Variants in NF1 observed in about 807,000 individuals in gnomAD.
NF1 encodes neurofibromin 1, also known as neurofibromin.
Under a neutral mutation model 325.7 loss-of-function variants are expected in NF1, and 122 were observed. The ratio of observed to expected loss-of-function variants is 0.37; its 90% CI spans 0.32 to 0.44. The LOEUF (loss-of-function observed/expected upper bound fraction) is 0.44, where lower values mean the gene tolerates loss of function less well. NF1 is among the 20% of genes least tolerant of loss of function. NF1 has a pLI of 1.00. For synonymous variants in NF1, 1,091 were observed against 1,186.0 expected, an observed-to-expected ratio of 0.92 and a Z score of 1.65; for missense variants, 2,140 against 3,415.4, an observed-to-expected ratio of 0.63 and a Z score of 9.31.
chr17:31,230,200 A>G (rs2151431318), intron 22 of NF1, 60 bp from the exon 23 acceptor site: 2 of 1,573,284 alleles, frequency 1.3e-6, no homozygotes, highest in Non-Finnish European at 1.7e-6. Flanking sequence ...TAAAGTATTT[A>G]GAATGCCTTC....
At chr17:31,291,395 A>G (rs2151494600) in intron 36 of NF1, among the ~76,000 whole-genome samples, 1 of 152,234 alleles carries the variant, frequency 6.6e-6, no homozygotes, top group Admixed American at 6.5e-5. Context: ...TTGACATTGT[A>G]TATTTTTCCC....
At chr17:31,208,191 AT>A (rs1300882481) in intron 12 of NF1, among the ~76,000 whole-genome samples, 5 of 152,164 alleles carry the variant, frequency 3.3e-5, no homozygotes, top group African/African-American at 9.7e-5. Context: ...TTTAGTTTTT[AT>A]TTCTAATTAT....
intron 13 of NF1, 151 bp downstream of exon 13, chr17:31,214,736 A>G: frequency 1.5e-6 from 1 of 646,730 alleles, no homozygotes; most frequent in Non-Finnish European, 2.7e-6. Flanking sequence ...CTCTAAGAAA[A>G]CTAATGTATA....
chr17:31,292,388 TA>T (rs2151495433), intron 36 of NF1, among the ~76,000 whole-genome samples: 1 of 152,326 alleles, frequency 6.6e-6, no homozygotes, highest in Admixed American at 6.5e-5. Context: ...AATAAGAATA[TA>T]ATTTCTTTGG....
intron 36 of NF1, among the ~76,000 whole-genome samples, chr17:31,287,019 C>T (rs2068240968): frequency 6.6e-6 from 1 of 152,156 alleles, no homozygotes; most frequent in South Asian, 2.1e-4. Flanking sequence ...GTGAGTATTT[C>T]ATTAGATTTA....
intron 35 of NF1, among the ~76,000 whole-genome samples, chr17:31,263,107 G>GA (rs2067719524): frequency 3.3e-5 from 2 of 60,018 alleles, no homozygotes; most frequent in Non-Finnish European, 4.9e-5. Context: ...AGGTAGGTAG[G>GA]TAGATAGATA....
chr17:31,160,420 G>A (rs1198785136), intron 3 of NF1, among the ~76,000 whole-genome samples: 5 of 152,090 alleles, frequency 3.3e-5, no homozygotes, highest in African/African-American at 7.2e-5. Flanking sequence ...CTTATTGACC[G>A]TTGACCATAT....
At chr17:31,270,543 A>C (rs568432862) in intron 36 of NF1, among the ~76,000 whole-genome samples, 44 of 150,582 alleles carry the variant, frequency 2.9e-4, no homozygotes, top group Admixed American at 9.9e-4. Context: ...CTGGGAGGTC[A>C]AGACTGCATT....
chr17:31,319,755 G>GA (rs71142045), intron 36 of NF1, among the ~76,000 whole-genome samples: 325 of 117,822 alleles, frequency 2.8e-3, no homozygotes, highest in African/African-American at 9.4e-3. Flanking sequence ...AAAATCTGAA[G>GA]AAAAAAAAAA....
At chr17:31,212,936 A>G (rs570517382) in intron 12 of NF1, among the ~76,000 whole-genome samples, 2 of 152,288 alleles carry the variant, frequency 1.3e-5, no homozygotes, top group South Asian at 2.1e-4. Context: ...CATATTGTCT[A>G]TCATTGACTG....
chr17:31,263,655 CAAT>C (rs1197030889), intron 35 of NF1, among the ~76,000 whole-genome samples: 1 of 151,108 alleles, frequency 6.6e-6, no homozygotes, highest in African/African-American at 2.4e-5. Context: ...TTAAGTAATC[CAAT>C]ATATATAATA....
intron 46 of NF1, 76 bp from the exon 47 acceptor site, chr17:31,340,429 T>C: frequency 6.3e-7 from 1 of 1,588,030 alleles, no homozygotes; most frequent in Non-Finnish European, 8.6e-7. Context: ...GCTGCTTTAT[T>C]TTTAACTGCA....
At chr17:31,252,881 TTTG>T in intron 30 of NF1, 54 bp from the exon 31 acceptor site, 1 of 1,375,446 alleles carries the variant, frequency 7.3e-7, no homozygotes, top group Non-Finnish European at 1.0e-6. Flanking sequence ...CAACATTGTT[TTTG>T]TTGCTGTATG....
chr17:31,258,960 A>G, intron 32 of NF1, 72 bp from the exon 33 acceptor site: 1 of 995,166 alleles, frequency 1.0e-6, no homozygotes, highest in Non-Finnish European at 1.5e-6. Flanking sequence ...TCATGTTTTT[A>G]AAGAATGTCT....
chr17:31,184,571 C>T (rs2066198655), intron 8 of NF1, among the ~76,000 whole-genome samples: 1 of 150,202 alleles, frequency 6.7e-6, no homozygotes, highest in Admixed American at 6.6e-5. Context: ...ATGGCGTGAA[C>T]CCCAGGGGGC....
chr17:31,101,838 GA>G (rs1324562458), intron 1 of NF1, among the ~76,000 whole-genome samples: 3 of 152,084 alleles, frequency 2.0e-5, no homozygotes, highest in African/African-American at 7.2e-5. Context: ...AGGATTGTTT[GA>G]ACACAGCTTG....
At position 31,358,595 on chromosome 17, in the gene NF1, C is replaced by T. The variant is rs764508546; in HGVS notation, c.8086C>T (p.Pro2696Ser). The T allele has an allele frequency of 6.2e-7, 1 of 1,614,002 alleles. No homozygotes were observed. The highest frequency in any genetic ancestry group is 8.5e-7 in the Non-Finnish European group (1 of 1,179,930). The change falls in exon 55 of 58, where the codon CCA (proline) becomes TCA (serine). Residue 2696 changes from proline (P) to serine (S), a missense_variant. By Grantham distance (74) the Pro-to-Ser change is moderately conservative. Transcript: ENST00000358273. Reference protein sequence around the residue: ...QSVVYHEESPPQYQTSYLQSF... With the variant: ...QSVVYHEESPSQYQTSYLQSF... ...TGTGGTGTACCATGAAGAATCCCCA[C>T]CACAATACCAAACATCTTACCTGCA...
At chr17:31,283,140 G>T (rs935813080) in intron 36 of NF1, among the ~76,000 whole-genome samples, 1 of 152,228 alleles carries the variant, frequency 6.6e-6, no homozygotes, top group East Asian at 1.9e-4. Context: ...AACTAAGTCC[G>T]GACGCAGTGG....
At chr17:31,166,611 G>C (rs1935337043) in intron 4 of NF1, among the ~76,000 whole-genome samples, 1 of 152,108 alleles carries the variant, frequency 6.6e-6, no homozygotes, top group Non-Finnish European at 1.5e-5. Context: ...ACAGCTCTAG[G>C]TGACTTTTTT....
Sources: allele counts gnomAD v4.1 joint callset (sites outside exome capture counted in the v4.1 genomes callset), GRCh38; gene constraint gnomAD v4.1.1; transcripts MANE v1.5; gene names NCBI Gene and HGNC (gene_info 2026-07-23, HGNC 2026-07-21).